Variants in SKIC3 observed in about 807,000 individuals in gnomAD.
The protein encoded by SKIC3 is superkiller complex protein 3.
chr5:95,521,064 T>G, the SKIC3 span, among the ~76,000 whole-genome samples: 2 of 152,040 alleles, frequency 1.3e-5, no homozygotes. Flanking sequence ...CCCAAGAATT[T>G]CCTTGACTTT....
At chr5:95,464,448 G>T in the SKIC3 span, 7 of 591,574 alleles carry the variant, frequency 1.2e-5, no homozygotes, top group Non-Finnish European at 1.2e-5. Flanking sequence ...GGAGTTAACA[G>T]AAAATTGCAT....
the SKIC3 span, among the ~76,000 whole-genome samples, chr5:95,472,597 T>C: frequency 6.6e-6 from 1 of 151,762 alleles, no homozygotes; most frequent in South Asian, 2.1e-4. Flanking sequence ...CAAAGAAATG[T>C]CTTCACAAAT....
chr5:95,553,967 G>A, the SKIC3 span, among the ~76,000 whole-genome samples: 1 of 152,140 alleles, frequency 6.6e-6, no homozygotes, highest in African/African-American at 2.4e-5. Flanking sequence ...AGTGAGTTAC[G>A]GCACAGACTC....
At chr5:95,470,124 C>A in the SKIC3 span, among the ~76,000 whole-genome samples, 2 of 151,908 alleles carry the variant, frequency 1.3e-5, no homozygotes, top group East Asian at 3.9e-4. Flanking sequence ...ACTACAGGCG[C>A]CCGCCACCAC....
chr5:95,529,976 T>C, the SKIC3 span: 2 of 1,328,078 alleles, frequency 1.5e-6, no homozygotes, highest in Non-Finnish European at 2.1e-6. Context: ...TGCAGGTACA[T>C]TTTTTCCCTT....
the SKIC3 span, among the ~76,000 whole-genome samples, chr5:95,510,096 TAAC>T: frequency 1.3e-5 from 2 of 152,136 alleles, no homozygotes; most frequent in Admixed American, 1.3e-4. Flanking sequence ...TTAAAAAAAA[TAAC>T]AAAGTCAGTA....
the SKIC3 span, chr5:95,513,731 A>C: frequency 7.6e-7 from 1 of 1,308,614 alleles, no homozygotes; most frequent in Non-Finnish European, 1.1e-6. Flanking sequence ...GAAGAACCAA[A>C]GGTTTACTAG....
chr5:95,532,548 A>C, the SKIC3 span, among the ~76,000 whole-genome samples: 1 of 152,100 alleles, frequency 6.6e-6, no homozygotes, highest in Non-Finnish European at 1.5e-5. Flanking sequence ...TCTTATTCAT[A>C]CTTATTCTTG....
chr5:95,477,280 G>A, the SKIC3 span, among the ~76,000 whole-genome samples: 2 of 151,902 alleles, frequency 1.3e-5, no homozygotes, highest in Admixed American at 1.3e-4. Flanking sequence ...ACAGAGCAAG[G>A]AAGCAAAAAT....
the SKIC3 span, chr5:95,540,744 CA>C: frequency 6.2e-7 from 1 of 1,614,100 alleles, no homozygotes; most frequent in Non-Finnish European, 8.5e-7. Context: ...GGAACTGAGT[CA>C]ATTTTCTCCA....
chr5:95,490,071 A>C, the SKIC3 span, among the ~76,000 whole-genome samples: 4 of 152,306 alleles, frequency 2.6e-5, no homozygotes, highest in Non-Finnish European at 4.4e-5. Flanking sequence ...TCTATTTATT[A>C]ATTTAAGTAG....
chr5:95,492,723 C>A, the SKIC3 span, among the ~76,000 whole-genome samples: 1 of 124,358 alleles, frequency 8.0e-6, no homozygotes, highest in Non-Finnish European at 1.7e-5. Flanking sequence ...GCTGAGGTGC[C>A]ATAGGGTCTT....
At chr5:95,543,077 G>T in the SKIC3 span, 2 of 1,332,092 alleles carry the variant, frequency 1.5e-6, no homozygotes, top group Non-Finnish European at 2.1e-6. Flanking sequence ...TTTCTTACAT[G>T]GGGCAAATGT....
the SKIC3 span, among the ~76,000 whole-genome samples, chr5:95,524,966 C>A: frequency 2.0e-5 from 3 of 152,054 alleles, no homozygotes; most frequent in African/African-American, 7.3e-5. Flanking sequence ...TCACTGCAAC[C>A]TCCACCCCCC....
chr5:95,526,248 CTCTTT>C, the SKIC3 span, among the ~76,000 whole-genome samples: 1 of 152,024 alleles, frequency 6.6e-6, no homozygotes, highest in Non-Finnish European at 1.5e-5. Context: ...CCCCCTCCTT[CTCTTT>C]TTTTTTTCTT....
At chr5:95,472,321 G>A in the SKIC3 span, among the ~76,000 whole-genome samples, 9 of 152,156 alleles carry the variant, frequency 5.9e-5, no homozygotes, top group Non-Finnish European at 1.3e-4. Flanking sequence ...TTAATCTACT[G>A]TTGACCATTC....
chr5:95,494,214 G>C, the SKIC3 span, among the ~76,000 whole-genome samples: 2 of 152,016 alleles, frequency 1.3e-5, no homozygotes, highest in Admixed American at 6.5e-5. Context: ...ATTCCTTTAG[G>C]CCTCTTTCAA....
At chr5:95,503,569 CCA>C in the SKIC3 span, among the ~76,000 whole-genome samples, 1 of 152,136 alleles carries the variant, frequency 6.6e-6, no homozygotes, top group Admixed American at 6.5e-5. Context: ...ATCTTGGGCC[CCA>C]GTTTCCTCAT....
chr5:95,485,373 T>C, the SKIC3 span, among the ~76,000 whole-genome samples: 1 of 152,250 alleles, frequency 6.6e-6, no homozygotes, highest in Non-Finnish European at 1.5e-5. Flanking sequence ...ACAAATTTCA[T>C]ATAAGTGGAA....
Sources: allele counts gnomAD v4.1 joint callset (sites outside exome capture counted in the v4.1 genomes callset), GRCh38; gene constraint gnomAD v4.1.1; transcripts MANE v1.5; gene names NCBI Gene and HGNC (gene_info 2026-07-23, HGNC 2026-07-21).